The following ADAMTS12 variants were observed in gnomAD, a reference collection of about 807,000 sequenced individuals.
ADAMTS12 encodes the protein A disintegrin and metalloproteinase with thrombospondin motifs 12.
Under a neutral mutation model 167.8 loss-of-function variants are expected in ADAMTS12, and 118 were observed. The observed-to-expected ratio is 0.70, with a 90% CI of 0.61 to 0.82. The LOEUF is 0.82. Among genes scored for constraint, ADAMTS12 ranks in the 40% least tolerant of loss-of-function variants. The probability of loss-of-function intolerance (pLI) is 0.00; values close to 1 mark genes in which losing one functional copy is unlikely to be tolerated. For synonymous variants in ADAMTS12, 704 were observed against 716.9 expected (o/e 0.98, Z 0.29); for missense variants, 1,916 against 1,998.8 (o/e 0.96, Z 0.79).
At chr5:33,872,320 T>G (rs1009841433) in intron 2 of ADAMTS12, among the ~76,000 whole-genome samples, 1 of 151,664 alleles carries the variant, frequency 6.6e-6, no homozygotes, top group Non-Finnish European at 1.5e-5. Flanking sequence ...CCAAGGCAGG[T>G]GGATCACGAG....
At chr5:33,682,429 C>A (rs1742157258) in intron 5 of ADAMTS12, among the ~76,000 whole-genome samples, 1 of 152,154 alleles carries the variant, frequency 6.6e-6, no homozygotes, top group Non-Finnish European at 1.5e-5. Flanking sequence ...GAGGTCTAGG[C>A]TGGACGTATC....
At chr5:33,539,066 G>T (rs256642) in intron 22 of ADAMTS12, among the ~76,000 whole-genome samples, 4,756 of 151,928 alleles carry the variant, frequency 0.031, 274 homozygotes, top group African/African-American at 0.11. Context: ...CTCAGCCTCC[G>T]GAGTAGCTGG....
At chr5:33,846,001 C>T (rs1748929057) in intron 2 of ADAMTS12, among the ~76,000 whole-genome samples, 1 of 152,196 alleles carries the variant, frequency 6.6e-6, no homozygotes, top group Non-Finnish European at 1.5e-5. Flanking sequence ...ACTCCAATGA[C>T]CCAAATACCT....
intron 2 of ADAMTS12, among the ~76,000 whole-genome samples, chr5:33,857,378 T>C (rs1476257244): frequency 2.0e-5 from 3 of 151,444 alleles, no homozygotes; most frequent in Non-Finnish European, 4.4e-5. Flanking sequence ...CTGAAGTGTA[T>C]ACTTGAAATT....
intron 5 of ADAMTS12, among the ~76,000 whole-genome samples, chr5:33,672,119 CCACACACACCCACATA>C (rs1741725146): frequency 7.5e-6 from 1 of 133,690 alleles, no homozygotes; most frequent in Admixed American, 7.5e-5. Flanking sequence ...ACACTCACAT[CCACACACACCCACATA>C]CATACACACA....
chr5:33,586,191 C>A (rs1199614081), intron 18 of ADAMTS12, among the ~76,000 whole-genome samples: 1 of 152,080 alleles, frequency 6.6e-6, no homozygotes, highest in East Asian at 1.9e-4. Context: ...ATACTGCCTG[C>A]CAAGAATCAC....
chr5:33,564,085 C>T (rs1745883012), intron 19 of ADAMTS12, among the ~76,000 whole-genome samples: 1 of 152,206 alleles, frequency 6.6e-6, no homozygotes, highest in African/African-American at 2.4e-5. Context: ...TCCAGTGGGG[C>T]TGTGGACAGC....
chr5:33,601,166 A>G (rs1738170833), intron 16 of ADAMTS12, among the ~76,000 whole-genome samples: 1 of 151,152 alleles, frequency 6.6e-6, no homozygotes, highest in Non-Finnish European at 1.5e-5. Context: ...CATCGACAGC[A>G]CCATCAAAAC....
intron 10 of ADAMTS12, 22 bp downstream of exon 10, chr5:33,643,356 A>G (rs757054169): frequency 3.0e-5 from 48 of 1,613,284 alleles, no homozygotes; most frequent in Middle Eastern, 1.6e-4. Context: ...CTCCCACCTC[A>G]TTCCTCGGCC....
intron 15 of ADAMTS12, among the ~76,000 whole-genome samples, chr5:33,615,110 T>C (rs900305579): frequency 2.0e-5 from 3 of 152,208 alleles, no homozygotes; most frequent in Non-Finnish European, 2.9e-5. Context: ...CATAGAGGCA[T>C]TGGATTGGTT....
intron 7 of ADAMTS12, among the ~76,000 whole-genome samples, chr5:33,656,011 C>T (rs538757825): frequency 3.9e-5 from 6 of 152,146 alleles, no homozygotes; most frequent in Non-Finnish European, 8.8e-5. Context: ...AATTCTTTTA[C>T]TTAGAAACTT....
chr5:33,631,813 G>A (rs1202576351), intron 12 of ADAMTS12, among the ~76,000 whole-genome samples: 1 of 152,140 alleles, frequency 6.6e-6, no homozygotes, highest in Non-Finnish European at 1.5e-5. Context: ...CTTTGGCAGG[G>A]ATTTTGGGGT....
intron 2 of ADAMTS12, among the ~76,000 whole-genome samples, chr5:33,851,671 C>T (rs1052940339): frequency 6.6e-6 from 1 of 152,146 alleles, no homozygotes; most frequent in African/African-American, 2.4e-5. Flanking sequence ...CCCAGTCCCC[C>T]ACAATATCCA....
intron 22 of ADAMTS12, among the ~76,000 whole-genome samples, chr5:33,541,905 C>G (rs1744718829): frequency 1.3e-5 from 2 of 151,420 alleles, no homozygotes; most frequent in African/African-American, 4.9e-5. Flanking sequence ...TAAAGACCAT[C>G]AATGCTAGGA....
intron 16 of ADAMTS12, among the ~76,000 whole-genome samples, chr5:33,598,974 A>G (rs913713739): frequency 1.2e-4 from 19 of 152,188 alleles, no homozygotes; most frequent in African/African-American, 4.6e-4. Context: ...CACAGTGGGG[A>G]AACTCAGCGC....
intron 6 of ADAMTS12, among the ~76,000 whole-genome samples, chr5:33,658,753 C>T (rs1383678511): frequency 6.6e-6 from 1 of 152,120 alleles, no homozygotes; most frequent in Non-Finnish European, 1.5e-5. Flanking sequence ...GTTCAAAACT[C>T]ATCTAAGAAC....
rs1319707853 is a variant in ADAMTS12, at chr5:33,577,023, T to C, written c.3003A>G (p.Arg1001=). 6.2e-7 allele frequency: 1 copy of C among 1,614,148 alleles called. No homozygotes were observed. Among genetic ancestry groups the C allele is most frequent in the Non-Finnish European group, 8.5e-7 (1 of 1,180,004 alleles). ...CGLQQCPSSR[R]VLKPNKGTIS... Reference sequence around the variant, plus strand: ...TAGTGCCTTTGTTTGGTTTCAGAACTCTCCGGCTAGAAGGGCATTGCTGGA... The same window carrying C: ...TAGTGCCTTTGTTTGGTTTCAGAACCCTCCGGCTAGAAGGGCATTGCTGGA... Residue 1001 remains arginine (R), a synonymous_variant, in exon 19 of 24, where the codon AGA becomes AGG. Transcript: ENST00000504830.
chr5:33,575,460 G>A (rs190464156), intron 19 of ADAMTS12, among the ~76,000 whole-genome samples: 2 of 152,222 alleles, frequency 1.3e-5, no homozygotes, highest in East Asian at 3.9e-4. Flanking sequence ...AGATGAATTC[G>A]ACATAATCAC....
chr5:33,747,202 CAAAG>C (rs1040884626), intron 3 of ADAMTS12, among the ~76,000 whole-genome samples: 1 of 152,042 alleles, frequency 6.6e-6, no homozygotes, highest in African/African-American at 2.4e-5. Flanking sequence ...AACAAGCAAA[CAAAG>C]TAAGTAAAGT....
Sources: allele counts gnomAD v4.1 joint callset (sites outside exome capture counted in the v4.1 genomes callset), GRCh38; gene constraint gnomAD v4.1.1; transcripts MANE v1.5; gene names NCBI Gene and HGNC (gene_info 2026-07-23, HGNC 2026-07-21).